The following GEMIN5 variants were observed in gnomAD, a reference collection of about 807,000 sequenced individuals.
The protein encoded by GEMIN5 is gem-associated protein 5.
Under a neutral mutation model 176.9 loss-of-function variants are expected in GEMIN5, and 124 were observed. That is an observed-to-expected ratio of 0.70 (90% CI 0.61 to 0.81). The LOEUF (loss-of-function observed/expected upper bound fraction) is 0.81. Ranked by LOEUF, GEMIN5 falls within the 40% of genes least tolerant of loss-of-function variation. GEMIN5 has a pLI of 0.00. For synonymous variants in GEMIN5, 673 were observed against 665.2 expected (o/e 1.01, Z -0.18); for missense variants, 1,843 against 1,814.6 (o/e 1.02, Z -0.28).
intron 24 of GEMIN5, 83 bp from the exon 25 acceptor site, chr5:154,892,632 C>T: frequency 7.7e-7 from 1 of 1,307,094 alleles, no homozygotes; most frequent in Non-Finnish European, 1.1e-6. Context: ...CTGTGAACCG[C>T]ATTTGGAAAC....
chr5:154,901,545 C>G (rs1763465915), intron 20 of GEMIN5, 59 bp from the exon 21 acceptor site: 1 of 1,544,380 alleles, frequency 6.5e-7, no homozygotes, highest in Admixed American at 1.7e-5. Flanking sequence ...AAAACAATAC[C>G]CAGTACATTT....
chr5:154,931,538 G>C lies in GEMIN5; in HGVS notation c.701C>G (p.Ala234Gly). ...TAAGTAGCAACCTTTTGTTACTGGA[G>C]CTTGTGCTACAGCATTCCCGTTGGT... Reference protein sequence around the residue: ...EITNGNAVAQAPVTKGCYLAT... With the variant: ...EITNGNAVAQGPVTKGCYLAT... The change falls in exon 5 of 28, where the codon GCT (alanine) becomes GGT (glycine). Residue 234 changes from alanine to glycine, a missense_variant. Ala to Gly is a moderately conservative substitution (Grantham distance 60, BLOSUM62 0). Transcript: ENST00000285873. 1.2e-6 allele frequency: 2 copies of C among 1,612,042 alleles called. No individual in the cohort carries two copies. The highest frequency in any genetic ancestry group is 8.5e-7 in the Non-Finnish European group (1 of 1,178,242).
chr5:154,888,165 G>C lies in GEMIN5; in HGVS notation c.*45C>G. 6.3e-7 allele frequency: 1 copy of C among 1,579,966 alleles called. No individual in the cohort carries two copies. Among genetic ancestry groups the C allele is most frequent in the Non-Finnish European group, 8.7e-7 (1 of 1,149,242 alleles). On this transcript the variant is annotated 3_prime_UTR_variant, in exon 28 of 28. Transcript: ENST00000285873. ...AGGCATAACTGCAGAGGTGAAAGAT[G>C]TCAAACATTTTCAATTTGGCAGTTT... is the stretch of plus-strand genomic sequence containing the variant.
At chr5:154,924,925 C>T (rs990455106) in intron 8 of GEMIN5, among the ~76,000 whole-genome samples, 1 of 152,072 alleles carries the variant, frequency 6.6e-6, no homozygotes, top group East Asian at 1.9e-4. Flanking sequence ...GGAGGCGGAG[C>T]TTGCAGTGAG....
intron 19 of GEMIN5, 113 bp downstream of exon 19, chr5:154,902,967 C>T (rs1284873837): frequency 8.2e-6 from 6 of 735,122 alleles, no homozygotes; most frequent in African/African-American, 1.8e-5. Context: ...AGTTAGCTGA[C>T]ACGTAAAACT....
intron 10 of GEMIN5, 58 bp downstream of exon 10, chr5:154,921,285 G>C (rs574289005): frequency 2.4e-6 from 2 of 829,910 alleles, no homozygotes; most frequent in Admixed American, 1.8e-5. Context: ...TAATATTTTA[G>C]GATTAAACTG....
At chr5:154,937,729 C>T (rs1261737045) in intron 1 of GEMIN5, among the ~76,000 whole-genome samples, 1 of 152,206 alleles carries the variant, frequency 6.6e-6, no homozygotes, top group Non-Finnish European at 1.5e-5. Flanking sequence ...ACAAGGCTAA[C>T]TTTTCAGTAA....
intron 2 of GEMIN5, 24 bp from the exon 3 acceptor site, chr5:154,936,046 T>C: frequency 7.0e-7 from 1 of 1,422,310 alleles, no homozygotes; most frequent in Non-Finnish European, 9.7e-7. Context: ...CAAAAATTTG[T>C]TATTGTCAAT....
At chr5:154,893,554 G>C (rs1421247638) in intron 24 of GEMIN5, among the ~76,000 whole-genome samples, 1 of 152,198 alleles carries the variant, frequency 6.6e-6, no homozygotes, top group African/African-American at 2.4e-5. Flanking sequence ...AATCAAGACA[G>C]AACATTTTCA....
chr5:154,920,095 C>T lies in GEMIN5; in HGVS notation c.1471G>A (p.Gly491Arg). ...PVPPMSLGGE[G>R]DRPSLALYSC... ...TATAAAGCAAGGGAAGGTCTGTCTC[C>T]TTCTCCTCCTGTATGAAATAAGAAA... The change falls in exon 11 of 28, where the codon GGA (glycine) becomes AGA (arginine). Residue 491 changes from glycine to arginine, a missense_variant. Physicochemically the swap from Gly to Arg is moderately radical, Grantham distance 125. Transcript: ENST00000285873. 2 of 1,608,638 alleles carry T rather than the reference C, an allele frequency of 1.2e-6. No individual in the cohort carries two copies. The highest frequency in any genetic ancestry group is 1.7e-6 in the Non-Finnish European group (2 of 1,178,042).
At chr5:154,928,303 T>C (rs903837) in intron 6 of GEMIN5, among the ~76,000 whole-genome samples, 55,229 of 152,086 alleles carry the variant, frequency 0.36, 11,086 homozygotes, top group Middle Eastern at 0.46. Context: ...TTCTGAAATT[T>C]AGTTCTGACT....
chr5:154,912,803 G>C, intron 14 of GEMIN5, 96 bp downstream of exon 14: 2 of 1,043,354 alleles, frequency 1.9e-6, no homozygotes, highest in Non-Finnish European at 2.7e-6. Flanking sequence ...TGATGATAAT[G>C]GGGGAGGGGG....
chr5:154,906,101 TCCTC>T (rs1247569793), intron 16 of GEMIN5, among the ~76,000 whole-genome samples: 5 of 151,974 alleles, frequency 3.3e-5, no homozygotes, highest in African/African-American at 4.8e-5. Context: ...GCTCAGGTGA[TCCTC>T]CCCTCCTCAG....
In GEMIN5 at chr5:154,902,670, C is replaced by G. The variant is rs558986550; in HGVS notation, c.2735G>C (p.Gly912Ala). The change falls in exon 20 of 28, where the codon GGT (glycine) becomes GCT (alanine). Residue 912 changes from glycine to alanine, a missense_variant. Coordinates refer to ENST00000285873, the MANE Select transcript of GEMIN5 (RefSeq NM_015465.5). ...CTCAGGGTGGCCATTTTCTAAGTGA[C>G]CTTTTCCTGTTTGAAAGAGAGATAA... is the stretch of plus-strand genomic sequence containing the variant. ...LYRMIDIEGK[G>A]HLENGHPELF... 4.3e-6 allele frequency: 7 copies of G among 1,613,816 alleles called. No homozygotes were observed. Among genetic ancestry groups the G allele is most frequent in the Non-Finnish European group, 5.9e-6 (7 of 1,179,778 alleles).
chr5:154,927,605 G>A (rs778206622), intron 6 of GEMIN5, 55 bp from the exon 7 acceptor site: 22 of 1,330,944 alleles, frequency 1.7e-5, no homozygotes, highest in Admixed American at 1.3e-4. Flanking sequence ...GAAAACAAGT[G>A]ACTGTTGAGA....
chr5:154,898,752 C>T (rs1582653330), intron 22 of GEMIN5, 102 bp from the exon 23 acceptor site: 1 of 973,608 alleles, frequency 1.0e-6, no homozygotes, highest in Non-Finnish European at 1.6e-6. Flanking sequence ...GCTGCATGTG[C>T]CTTCCTGTGG....
Position 154,911,765 on chromosome 5 carries a change from C to T in GEMIN5, c.2129G>A (p.Trp710Ter). 1 of 1,613,906 alleles carries T rather than the reference C, an allele frequency of 6.2e-7. No individual in the cohort carries two copies. The highest frequency in any genetic ancestry group is 8.5e-7 in the Non-Finnish European group (1 of 1,179,802). ...SGADDFCVHK[W>*]LTSMQDHSRP... ...GGAATGATCTTGCATGGAAGTGAGC[C>T]ACTTGTGCACACAAAAGTCATCTGC... The change falls in exon 15 of 28, where the codon TGG (tryptophan) becomes TAG (stop). Residue 710 changes from tryptophan to a stop codon, truncating the protein, a stop_gained. Coordinates refer to ENST00000285873, the MANE Select transcript of GEMIN5 (RefSeq NM_015465.5). LOFTEE classifies it high-confidence loss of function.
chr5:154,892,684 G>A lies in GEMIN5; in HGVS notation c.3598-135C>T, dbSNP rs2113453689. On this transcript the variant is annotated intron_variant, in intron 24 of 27. Coordinates refer to ENST00000285873, the MANE Select transcript of GEMIN5 (RefSeq NM_015465.5). Reference sequence around the variant, plus strand: ...CACTTTGAAAGTTCCTCTTGTCTCCGCCACCCATTTTTGCTTCCCACATCG... The same window carrying A: ...CACTTTGAAAGTTCCTCTTGTCTCCACCACCCATTTTTGCTTCCCACATCG... The A allele has an allele frequency of 4.9e-6, 4 of 818,074 alleles. No homozygotes were observed. In the South Asian group the frequency reaches 5.8e-5, roughly 12 times the overall value. The allele number at this position is 818,074 out of a possible 1,614,324, so 50.7% of individuals were successfully genotyped here.
chr5:154,930,586 A>G lies in GEMIN5; in HGVS notation c.781+872T>C, dbSNP rs149193139. On this transcript the variant is annotated intron_variant, in intron 5 of 27. Coordinates refer to ENST00000285873, the MANE Select transcript of GEMIN5 (RefSeq NM_015465.5). The stretch of plus-strand genomic sequence containing the variant: ...GATATATGCTAAGTGAAATAAGCCA[A>G]TCACAAAAAGACATATCATATGTAT... Among the ~76,000 whole-genome samples, 872 of 152,334 alleles carry G rather than the reference A, an allele frequency of 5.7e-3. 2 individuals are homozygous for G. The highest frequency in any genetic ancestry group is 9.3e-3 in the Non-Finnish European group (630 of 68,034).
Sources: gnomAD v4.1 joint callset for allele counts (sites outside exome capture counted in the v4.1 genomes callset) on GRCh38, gnomAD v4.1.1 for gene constraint, MANE v1.5 for transcripts, NCBI Gene and HGNC (gene_info 2026-07-23, HGNC 2026-07-21) for gene names.